Variants in LOC112694756 observed in about 807,000 individuals in gnomAD.
the LOC112694756 span, chr16:30,055,337 A>G: frequency 5.0e-6 from 2 of 399,072 alleles, no homozygotes; most frequent in Non-Finnish European, 8.8e-6. Flanking sequence ...TGTGAGTTCC[A>G]TTCCTACCCC....
At chr16:30,060,047 C>T in the LOC112694756 span, among the ~76,000 whole-genome samples, 5 of 152,052 alleles carry the variant, frequency 3.3e-5, no homozygotes, top group Admixed American at 1.3e-4. Context: ...AAAACAATCT[C>T]GGCTCACTGC....
chr16:30,067,249 A>C, the LOC112694756 span: 1 of 1,612,268 alleles, frequency 6.2e-7, no homozygotes, highest in Non-Finnish European at 8.5e-7. Flanking sequence ...TGCTACTACC[A>C]GCACCATGCC....
At chr16:30,064,196 C>A in the LOC112694756 span, 3 of 397,824 alleles carry the variant, frequency 7.5e-6, no homozygotes, top group Non-Finnish European at 1.3e-5. Flanking sequence ...GTACCGGGTA[C>A]GCAGGGGTGC....
the LOC112694756 span, chr16:30,067,568 C>A: frequency 1.9e-6 from 3 of 1,614,034 alleles, no homozygotes; most frequent in South Asian, 3.3e-5. Flanking sequence ...TTGGGGGTGT[C>A]ATCCTCTTCC....
chr16:30,069,615 G>A, the LOC112694756 span: 5 of 1,613,970 alleles, frequency 3.1e-6, no homozygotes, highest in Middle Eastern at 1.6e-4. Flanking sequence ...TTTCTCATGA[G>A]GAGATTGCCA....
At chr16:30,068,592 A>G in the LOC112694756 span, 1 of 1,592,690 alleles carries the variant, frequency 6.3e-7, no homozygotes, top group Non-Finnish European at 8.6e-7. Flanking sequence ...GACAGTGGAA[A>G]GGGTGCTAGA....
chr16:30,069,727 C>A, the LOC112694756 span: 1 of 1,611,888 alleles, frequency 6.2e-7, no homozygotes, highest in Non-Finnish European at 8.5e-7. Context: ...CCACCCACAA[C>A]CCTATGCCCA....
At chr16:30,068,006 A>G in the LOC112694756 span, 1 of 314,840 alleles carries the variant, frequency 3.2e-6, no homozygotes. Context: ...GAACTAAGTG[A>G]AAATATTTTA....
chr16:30,059,311 C>T, the LOC112694756 span, among the ~76,000 whole-genome samples: 2 of 151,846 alleles, frequency 1.3e-5, no homozygotes, highest in African/African-American at 4.8e-5. Flanking sequence ...TCCTGGCTAA[C>T]ACGGTAAAAC....
chr16:30,053,773 G>A, the LOC112694756 span, among the ~76,000 whole-genome samples: 1 of 152,180 alleles, frequency 6.6e-6, no homozygotes, highest in Non-Finnish European at 1.5e-5. Context: ...TGAGAGGGAG[G>A]CTGCAGCATT....
the LOC112694756 span, among the ~76,000 whole-genome samples, chr16:30,063,078 T>C: frequency 2.0e-5 from 3 of 151,312 alleles, no homozygotes; most frequent in East Asian, 5.8e-4. Flanking sequence ...GAGGTGGAGG[T>C]TGCAGTGAGC....
the LOC112694756 span, chr16:30,069,953 C>T: frequency 1.2e-6 from 2 of 1,614,022 alleles, no homozygotes; most frequent in Non-Finnish European, 1.7e-6. Context: ...GCCCTGCAGG[C>T]CTCTGCCCTG....
the LOC112694756 span, chr16:30,055,059 C>G: frequency 2.5e-6 from 1 of 398,902 alleles, no homozygotes; most frequent in Non-Finnish European, 4.4e-6. Flanking sequence ...TTTGTGGTAC[C>G]AGGGGGTCCC....
chr16:30,069,683 A>G, the LOC112694756 span: 3 of 1,613,150 alleles, frequency 1.9e-6, no homozygotes, highest in African/African-American at 2.7e-5. Flanking sequence ...GGTGAGGCCC[A>G]CACTCATCTT....
chr16:30,069,404 G>A, the LOC112694756 span: 1 of 1,614,076 alleles, frequency 6.2e-7, no homozygotes, highest in Non-Finnish European at 8.5e-7. Flanking sequence ...ATGGCTACCT[G>A]CCTGACCAGT....
chr16:30,063,605 G>A, the LOC112694756 span: 4 of 397,916 alleles, frequency 1.0e-5, no homozygotes, highest in Admixed American at 8.8e-5. Context: ...TGGGAATGAT[G>A]GACAGTACCC....
chr16:30,066,844 T>C, the LOC112694756 span: 1 of 1,531,356 alleles, frequency 6.5e-7, no homozygotes, highest in African/African-American at 1.4e-5. Context: ...TGATTCACGA[T>C]CTTTACATTC....
At chr16:30,069,619 A>T in the LOC112694756 span, 3 of 1,613,988 alleles carry the variant, frequency 1.9e-6, no homozygotes, top group Non-Finnish European at 2.5e-6. Flanking sequence ...TCATGAGGAG[A>T]TTGCCATGGC....
the LOC112694756 span, among the ~76,000 whole-genome samples, chr16:30,057,908 G>C: frequency 6.6e-6 from 1 of 151,754 alleles, no homozygotes; most frequent in Admixed American, 6.6e-5. Context: ...TCCAGCCTGG[G>C]TGACAGAGTG....
Sources: gnomAD v4.1 joint callset for allele counts (sites outside exome capture counted in the v4.1 genomes callset) on GRCh38, gnomAD v4.1.1 for gene constraint, MANE v1.5 for transcripts.